The following LRRC53 variants were observed in gnomAD, a reference collection of about 807,000 sequenced individuals.
LRRC53 encodes leucine rich repeat containing 53.
Under a neutral mutation model 13.6 loss-of-function variants are expected in LRRC53, and 25 were observed. That is an observed-to-expected ratio of 1.83 (90% CI 1.34 to 2.56). The LOEUF (loss-of-function observed/expected upper bound fraction) is 2.56, where lower values mean the gene tolerates loss of function less well. Ranked by LOEUF, LRRC53 falls within the 30% of genes most tolerant of loss-of-function variation. The probability of loss-of-function intolerance (pLI) is 0.00; values close to 1 mark genes in which losing one functional copy is unlikely to be tolerated. For missense variants in LRRC53, 527 were observed against 275.8 expected (o/e 1.91, Z -6.45); for synonymous variants, 204 against 109.8 (o/e 1.86, Z -5.37).
intron 4 of LRRC53, among the ~76,000 whole-genome samples, chr1:74,474,134 A>G (rs189241331): frequency 8.5e-5 from 13 of 152,294 alleles, no homozygotes; most frequent in African/African-American, 2.9e-4. Context: ...TGGGTTTTAA[A>G]TGGTTAAAAG....
intron 1 of LRRC53, among the ~76,000 whole-genome samples, chr1:74,499,082 C>T (rs944557999): frequency 2.0e-5 from 3 of 152,142 alleles, no homozygotes; most frequent in African/African-American, 4.8e-5. Context: ...GAACAATGGA[C>T]AGAAACATCC....
chr1:74,497,571 C>A (rs867095342), intron 1 of LRRC53, among the ~76,000 whole-genome samples: 1 of 151,732 alleles, frequency 6.6e-6, no homozygotes, highest in Non-Finnish European at 1.5e-5. Flanking sequence ...CATGCACACA[C>A]ACACACACAC....
At chr1:74,534,042 C>A in the LRRC53 span, among the ~76,000 whole-genome samples, 1 of 152,146 alleles carries the variant, frequency 6.6e-6, no homozygotes, top group South Asian at 2.1e-4. Context: ...GAAATTAATT[C>A]CTTCCCAGAC....
Position 74,480,889 on chromosome 1 carries a change from CAA to C in LRRC53, c.166_167del (p.Leu56ValfsTer2). On this transcript the variant is annotated frameshift_variant, in exon 3 of 5. Transcript: ENST00000294635. LOFTEE classifies it high-confidence loss of function. ...TTAGGGAGAGCAGGGCAAGATTAAA[CAA>C]GAGAGACAGGTTTGTGCTCTCAATA... ...SSIESTNLSL[L>X]FNLALLSLSR... 1 of 717,384 alleles carries C rather than the reference CAA, an allele frequency of 1.4e-6. No individual in the cohort carries two copies. Among genetic ancestry groups the C allele is most frequent in the Admixed American group, 2.0e-5 (1 of 50,006 alleles). The allele number at this position is 717,384 out of a possible 1,614,324, so 44.4% of individuals were successfully genotyped here. A position where few individuals can be genotyped will look rare whatever the true frequency, so the allele number is the denominator to read the frequency against.
chr1:74,519,025 C>T, the LRRC53 span, among the ~76,000 whole-genome samples: 123 of 110,938 alleles, frequency 1.1e-3, 8 homozygotes, highest in African/African-American at 4.9e-3. Flanking sequence ...AATGCTATCC[C>T]TTCCCCCTCC....
the LRRC53 span, among the ~76,000 whole-genome samples, chr1:74,532,858 C>A: frequency 1.2e-3 from 179 of 152,198 alleles, no homozygotes; most frequent in African/African-American, 4.0e-3. Context: ...AACTGGCTAG[C>A]CATATGTAGA....
At chr1:74,474,257 T>C (rs1438657630) in intron 4 of LRRC53, among the ~76,000 whole-genome samples, 2 of 152,198 alleles carry the variant, frequency 1.3e-5, no homozygotes, top group Non-Finnish European at 2.9e-5. Flanking sequence ...AAAGGGTAAG[T>C]GCTTATTTCT....
At chr1:74,512,112 T>C (rs970437009) in intron 1 of LRRC53, among the ~76,000 whole-genome samples, 3 of 152,212 alleles carry the variant, frequency 2.0e-5, no homozygotes, top group African/African-American at 7.2e-5. Flanking sequence ...TGGATGGGAC[T>C]GGATATAGCA....
intron 1 of LRRC53, chr1:74,489,307 C>T: frequency 6.5e-7 from 1 of 1,548,580 alleles, no homozygotes; most frequent in Non-Finnish European, 8.8e-7. Context: ...CCAAGGCTGT[C>T]AGGGAATGTA....
rs558970693 is a variant in LRRC53, at chr1:74,496,307, G to A, written c.-26-12932C>T. Among the ~76,000 whole-genome samples, 18 of 152,258 alleles carry A rather than the reference G, an allele frequency of 1.2e-4. No homozygotes were observed. The East Asian group carries it at 1.4e-3, about 11-fold the overall frequency. Reference sequence around the variant, plus strand: ...GGGGACCATTTTGATGACTTATTACGTGCATCATCCCTGCCAAAATTCCTT... The same window carrying A: ...GGGGACCATTTTGATGACTTATTACATGCATCATCCCTGCCAAAATTCCTT... On this transcript the variant is annotated intron_variant, in intron 1 of 4. Transcript: ENST00000294635.
At chr1:74,498,067 T>G (rs1669423842) in intron 1 of LRRC53, among the ~76,000 whole-genome samples, 1 of 152,170 alleles carries the variant, frequency 6.6e-6, no homozygotes, top group Admixed American at 6.5e-5. Flanking sequence ...ACCAGAATGT[T>G]GAGGTTTCTC....
intron 1 of LRRC53, among the ~76,000 whole-genome samples, chr1:74,499,036 A>C (rs780990931): frequency 2.6e-5 from 4 of 152,208 alleles, no homozygotes; most frequent in Non-Finnish European, 2.9e-5. Flanking sequence ...GTGAATCTTC[A>C]TTAGAGAAAT....
the LRRC53 span, among the ~76,000 whole-genome samples, chr1:74,529,861 A>C: frequency 1.3e-5 from 2 of 151,932 alleles, no homozygotes; most frequent in Non-Finnish European, 2.9e-5. Context: ...GGATGACCCC[A>C]CCCCTTGTGA....
the LRRC53 span, among the ~76,000 whole-genome samples, chr1:74,525,812 C>T: frequency 6.6e-6 from 1 of 152,174 alleles, no homozygotes; most frequent in African/African-American, 2.4e-5. Context: ...AATGTCAAAA[C>T]CTGGGTTGCC....
At position 74,504,559 on chromosome 1, in the gene LRRC53, A is replaced by C. The variant is rs552757393; in HGVS notation, c.-27+7967T>G. Among the ~76,000 whole-genome samples, 39 of 152,332 alleles carry C rather than the reference A, an allele frequency of 2.6e-4. No homozygotes were observed. The South Asian group carries it at 7.9e-3, about 31-fold the overall frequency. On this transcript the variant is annotated intron_variant, in intron 1 of 4. Transcript: ENST00000294635. Reference sequence around the variant, plus strand: ...AACATCAAACAAAATATTCTGTTCAAAAGAGGAGGTGATGAAAATGGAAAA... The same window carrying C: ...AACATCAAACAAAATATTCTGTTCACAAGAGGAGGTGATGAAAATGGAAAA...
chr1:74,488,900 A>G (rs1415223173), intron 1 of LRRC53, among the ~76,000 whole-genome samples: 2 of 152,184 alleles, frequency 1.3e-5, no homozygotes, highest in African/African-American at 4.8e-5. Context: ...TTGAAGAGGA[A>G]ACCTGCCATT....
chr1:74,517,118 T>C (rs903320020), upstream of LRRC53, among the ~76,000 whole-genome samples: 1 of 152,194 alleles, frequency 6.6e-6, no homozygotes, highest in African/African-American at 2.4e-5. Flanking sequence ...CTGTTCATTA[T>C]TATGTATTAC....
At chr1:74,488,271 C>T (rs577841759) in intron 1 of LRRC53, among the ~76,000 whole-genome samples, 4 of 152,208 alleles carry the variant, frequency 2.6e-5, no homozygotes, top group African/African-American at 9.6e-5. Flanking sequence ...CCCACTGCTC[C>T]CACTGCCCCC....
rs1387754251 is a variant in LRRC53, at chr1:74,480,662, C to T, written c.395G>A (p.Gly132Asp). ...LRGSWFRNTSGLTRLQLDGNQ... is the reference protein window; with the variant it reads ...LRGSWFRNTSDLTRLQLDGNQ... ...CCCATCCAGCTGGAGCCGGGTCAGG[C>T]CGCTTGTGTTTCGGAACCAAGACCC... The change falls in exon 3 of 5, where the codon GGC becomes GAC. Residue 132 changes from glycine (G) to aspartate (D), a missense_variant. By Grantham distance (94) the Gly-to-Asp change is moderately conservative. Transcript: ENST00000294635. The T allele has an allele frequency of 1.4e-6, 1 of 717,292 alleles. No individual in the cohort carries two copies. Among genetic ancestry groups the T allele is most frequent in the East Asian group, 2.7e-5 (1 of 37,280 alleles). The allele number at this position is 717,292 out of a possible 1,614,324, so 44.4% of individuals were successfully genotyped here.
Sources: allele counts gnomAD v4.1 joint callset (sites outside exome capture counted in the v4.1 genomes callset), GRCh38; gene constraint gnomAD v4.1.1; transcripts MANE v1.5; gene names NCBI Gene and HGNC (gene_info 2026-07-23, HGNC 2026-07-21).